Variants in CCDC18 observed in about 807,000 individuals in gnomAD.
CCDC18 encodes coiled-coil domain containing 18, also known as coiled-coil domain-containing protein 18.
Under a neutral mutation model 196.0 loss-of-function variants are expected in CCDC18, and 157 were observed. The observed-to-expected ratio is 0.80, with a 90% confidence interval of 0.70 to 0.91. CCDC18 has a LOEUF of 0.91. Ranked by LOEUF, CCDC18 falls within the 40% of genes least tolerant of loss-of-function variation. The probability of loss-of-function intolerance (pLI) is 0.00; values close to 1 mark genes in which losing one functional copy is unlikely to be tolerated. For missense variants in CCDC18, 1,465 were observed against 1,611.6 expected (o/e 0.91, Z 1.56); for synonymous variants, 482 against 529.2 (o/e 0.91, Z 1.22).
chr1:93,272,976 CTG>C (rs201931898), intron 28 of CCDC18, among the ~76,000 whole-genome samples: 3,783 of 152,164 alleles, frequency 0.025, 132 homozygotes, highest in African/African-American at 0.081. Context: ...AGTTCATCCA[CTG>C]TGGTGGGAAG....
intron 11 of CCDC18, 149 bp downstream of exon 11, chr1:93,212,410 G>T: frequency 2.1e-6 from 1 of 476,296 alleles, no homozygotes; most frequent in Non-Finnish European, 3.6e-6. Context: ...GTGTCATGGA[G>T]GTTTGTTTTA....
chr1:93,251,190 T>C (rs1662194922), intron 23 of CCDC18, among the ~76,000 whole-genome samples: 1 of 152,210 alleles, frequency 6.6e-6, no homozygotes, highest in Non-Finnish European at 1.5e-5. Context: ...AAAACTGATA[T>C]CAACTGTGAT....
At chr1:93,264,015 C>G (rs1216908770) in intron 26 of CCDC18, among the ~76,000 whole-genome samples, 2 of 152,056 alleles carry the variant, frequency 1.3e-5, no homozygotes, top group African/African-American at 4.8e-5. Context: ...TTAATTGACT[C>G]ACAGTTCCAC....
At chr1:93,256,955 C>T (rs898484688) in intron 25 of CCDC18, among the ~76,000 whole-genome samples, 2 of 152,016 alleles carry the variant, frequency 1.3e-5, no homozygotes, top group African/African-American at 2.4e-5. Flanking sequence ...TGGCTTGGCA[C>T]GGTGGCTCAT....
intron 16 of CCDC18, among the ~76,000 whole-genome samples, chr1:93,222,916 A>AT (rs1179919101): frequency 2.0e-5 from 3 of 152,100 alleles, no homozygotes; most frequent in Non-Finnish European, 4.4e-5. Flanking sequence ...ATACGATGTT[A>AT]TTTTTTCCCT....
intron 27 of CCDC18, among the ~76,000 whole-genome samples, chr1:93,268,940 T>G (rs1664905694): frequency 1.3e-5 from 2 of 152,172 alleles, no homozygotes; most frequent in South Asian, 4.2e-4. Context: ...ATACCCAAAG[T>G]ACTATAAATC....
chr1:93,236,790 C>A (rs1660125549), intron 19 of CCDC18, among the ~76,000 whole-genome samples: 1 of 152,006 alleles, frequency 6.6e-6, no homozygotes, highest in African/African-American at 2.4e-5. Flanking sequence ...GGAAGAATGA[C>A]AATATAAAAG....
intron 4 of CCDC18, chr1:93,191,047 G>T: frequency 1.2e-6 from 1 of 858,980 alleles, no homozygotes; most frequent in Non-Finnish European, 1.9e-6. Flanking sequence ...GCAGGTTTTA[G>T]GAATGTTCAC....
intron 23 of CCDC18, among the ~76,000 whole-genome samples, chr1:93,253,084 C>CTGGAGTTGAGACTGG (rs1411460180): frequency 1.3e-5 from 2 of 152,154 alleles, no homozygotes; most frequent in African/African-American, 4.8e-5. Flanking sequence ...TTGAGACTGG[C>CTGGAGTTGAGACTGG]CCTCTTGGGA....
intron 23 of CCDC18, among the ~76,000 whole-genome samples, chr1:93,248,709 T>C (rs551180580): frequency 1.9e-3 from 282 of 152,000 alleles, no homozygotes; most frequent in African/African-American, 6.7e-3. Flanking sequence ...GGCACGGTGG[T>C]GCGTGCCTGT....
chr1:93,201,834 A>T, intron 6 of CCDC18, 58 bp from the exon 7 acceptor site: 1 of 1,087,276 alleles, frequency 9.2e-7, no homozygotes, highest in Non-Finnish European at 1.3e-6. Flanking sequence ...TTTGGAACTT[A>T]ACTCTTCAAA....
chr1:93,191,164 A>G (rs2101627983), intron 4 of CCDC18: 2 of 458,074 alleles, frequency 4.4e-6, no homozygotes, highest in Middle Eastern at 6.4e-4. Flanking sequence ...GGATAACCCA[A>G]AATGAAATTG....
intron 26 of CCDC18, among the ~76,000 whole-genome samples, chr1:93,261,471 A>G (rs1663781975): frequency 6.6e-6 from 1 of 152,178 alleles, no homozygotes; most frequent in African/African-American, 2.4e-5. Context: ...TAGTAATTAC[A>G]TGAGGGTACC....
Position 93,221,963 on chromosome 1 carries a change from T to C in CCDC18, c.2175+27T>C, listed in dbSNP as rs747300952. 68 of 1,449,232 alleles carry C rather than the reference T, an allele frequency of 4.7e-5. No homozygotes were observed. In the South Asian group the frequency reaches 6.4e-4, roughly 14 times the overall value. The allele number at this position is 1,449,232 out of a possible 1,614,324, so 89.8% of individuals were successfully genotyped here. The stretch of plus-strand genomic sequence containing the variant: ...CTAGTATGCTAATACTTTATTTTTC[T>C]TTCTTTCCTTTTTTTTTTTTTTAAC... On this transcript the variant is annotated intron_variant, in intron 16 of 28. Coordinates refer to ENST00000690025, the MANE Select transcript of CCDC18 (RefSeq NM_001378204.1).
chr1:93,195,701 T>C (rs969175437), intron 6 of CCDC18, among the ~76,000 whole-genome samples: 6 of 152,162 alleles, frequency 3.9e-5, no homozygotes, highest in African/African-American at 1.4e-4. Context: ...TTCCTCCTCC[T>C]TGGAGGATGT....
intron 21 of CCDC18, among the ~76,000 whole-genome samples, chr1:93,245,167 A>G (rs1475793476): frequency 6.6e-6 from 1 of 152,220 alleles, no homozygotes; most frequent in African/African-American, 2.4e-5. Flanking sequence ...TATTTGCAAA[A>G]TAAATAAGTG....
intron 13 of CCDC18, 94 bp downstream of exon 13, chr1:93,216,840 T>C (rs1052243212): frequency 4.9e-6 from 3 of 613,598 alleles, no homozygotes; most frequent in Non-Finnish European, 2.9e-6. Context: ...TTATAAAATA[T>C]ATAGGAAAGT....
chr1:93,190,774 C>G, intron 4 of CCDC18: 1 of 646,132 alleles, frequency 1.5e-6, no homozygotes, highest in South Asian at 1.6e-5. Flanking sequence ...TCTGCTCTTA[C>G]CTCCTCCCAG....
At chr1:93,264,672 T>G in intron 26 of CCDC18, 29 bp from the exon 27 acceptor site, 1 of 1,386,024 alleles carries the variant, frequency 7.2e-7, no homozygotes, top group Non-Finnish European at 1.0e-6. Flanking sequence ...TTTTTATTTT[T>G]TTTCTTTTCC....
Sources: allele counts gnomAD v4.1 joint callset (sites outside exome capture counted in the v4.1 genomes callset), GRCh38; gene constraint gnomAD v4.1.1; transcripts MANE v1.5; gene names NCBI Gene and HGNC (gene_info 2026-07-23, HGNC 2026-07-21).